Variants in SAMD4A observed in about 807,000 individuals in gnomAD.
The protein encoded by SAMD4A is protein Smaug homolog 1.
Under a neutral mutation model 81.3 loss-of-function variants are expected in SAMD4A, and 33 were observed. The ratio of observed to expected loss-of-function variants is 0.41; its 90% CI spans 0.31 to 0.54. The LOEUF (loss-of-function observed/expected upper bound fraction) is 0.54. SAMD4A is among the 20% of genes least tolerant of loss of function. SAMD4A has a pLI of 0.37. For missense variants in SAMD4A, 854 were observed against 951.1 expected (o/e 0.90, Z 1.34); for synonymous variants, 389 against 382.1 (o/e 1.02, Z -0.21).
At chr14:54,646,711 G>C (rs1263357924) in intron 2 of SAMD4A, among the ~76,000 whole-genome samples, 1 of 152,226 alleles carries the variant, frequency 6.6e-6, no homozygotes, top group Admixed American at 6.5e-5. Context: ...AGTTCACTGG[G>C]AGAATGGGCC....
At chr14:54,685,601 T>C (rs1390676843) in intron 2 of SAMD4A, 3 of 430,190 alleles carry the variant, frequency 7.0e-6, no homozygotes, top group African/African-American at 2.0e-5. Context: ...TTTTTCTTTG[T>C]GGTTTCAGAA....
At chr14:54,770,261 C>A in intron 9 of SAMD4A, 39 bp downstream of exon 9, 1 of 1,385,572 alleles carries the variant, frequency 7.2e-7, no homozygotes, top group Non-Finnish European at 1.0e-6. Context: ...CGTAGTGGTT[C>A]CCCTGGCGCC....
At position 54,664,375 on chromosome 14, in the gene SAMD4A, G is replaced by A. The variant is rs149713722; in HGVS notation, c.197-37687G>A. Among the ~76,000 whole-genome samples the A allele has an allele frequency of 7.4e-3, 1,132 of 152,242 alleles. 5 individuals are homozygous for A. Among genetic ancestry groups the A allele is most frequent in the Non-Finnish European group, 0.012 (828 of 68,010 alleles). ...GATGTCTTTTGTAGGGGCGGCAGCC[G>A]GCTGCGTTGTATAAAGTATACCTGT... is the stretch of plus-strand genomic sequence containing the variant. On this transcript the variant is annotated intron_variant, in intron 2 of 12. Coordinates refer to ENST00000554335, the MANE Select transcript of SAMD4A (RefSeq NM_015589.6).
At chr14:54,741,467 A>C (rs1363876082) in intron 4 of SAMD4A, among the ~76,000 whole-genome samples, 2 of 152,208 alleles carry the variant, frequency 1.3e-5, no homozygotes, top group Non-Finnish European at 2.9e-5. Context: ...ACTCATTCAC[A>C]GGTTACTTTT....
At chr14:54,661,616 C>A (rs1191094243) in intron 2 of SAMD4A, among the ~76,000 whole-genome samples, 1 of 152,164 alleles carries the variant, frequency 6.6e-6, no homozygotes, top group South Asian at 2.1e-4. Context: ...GTCATGGATT[C>A]CTTCTTTGTG....
At chr14:54,587,254 T>C (rs1467298088) in intron 2 of SAMD4A, among the ~76,000 whole-genome samples, 1 of 152,220 alleles carries the variant, frequency 6.6e-6, no homozygotes, top group African/African-American at 2.4e-5. Context: ...ATAGCAGAAC[T>C]ACTGATCTGT....
chr14:54,599,415 A>G (rs1421452204), intron 2 of SAMD4A, among the ~76,000 whole-genome samples: 1 of 152,172 alleles, frequency 6.6e-6, no homozygotes, highest in Non-Finnish European at 1.5e-5. Context: ...TTTTCTTTTT[A>G]AACTCTAGGT....
At chr14:54,733,897 C>A (rs2140914081) in intron 3 of SAMD4A, among the ~76,000 whole-genome samples, 1 of 152,232 alleles carries the variant, frequency 6.6e-6, no homozygotes, top group Admixed American at 6.5e-5. Flanking sequence ...AATGAGATCT[C>A]TTAGTTTAAA....
intron 4 of SAMD4A, among the ~76,000 whole-genome samples, chr14:54,745,914 C>T (rs545678088): frequency 7.2e-5 from 11 of 152,332 alleles, no homozygotes; most frequent in African/African-American, 2.6e-4. Context: ...CCCACAGCTT[C>T]ACAGAATGTA....
At chr14:54,592,220 T>G (rs985164587) in intron 2 of SAMD4A, among the ~76,000 whole-genome samples, 2 of 152,178 alleles carry the variant, frequency 1.3e-5, no homozygotes, top group African/African-American at 4.8e-5. Flanking sequence ...TACATTCTGG[T>G]AGCATTGAGT....
At chr14:54,577,651 G>A (rs1463421751) in intron 2 of SAMD4A, among the ~76,000 whole-genome samples, 1 of 152,202 alleles carries the variant, frequency 6.6e-6, no homozygotes, top group Admixed American at 6.5e-5. Flanking sequence ...ACTAAACTCT[G>A]TAATACAGTC....
chr14:54,732,312 T>C (rs2037577753), intron 3 of SAMD4A, among the ~76,000 whole-genome samples: 1 of 152,182 alleles, frequency 6.6e-6, no homozygotes, highest in Non-Finnish European at 1.5e-5. Flanking sequence ...CCTCTCTATA[T>C]GTAGAAAAGT....
At chr14:54,686,003 C>T in intron 2 of SAMD4A, 2 of 392,284 alleles carry the variant, frequency 5.1e-6, no homozygotes, top group South Asian at 3.8e-5. Flanking sequence ...TACAAAGGTC[C>T]TATGTAGTCT....
intron 2 of SAMD4A, among the ~76,000 whole-genome samples, chr14:54,621,988 A>G (rs1237629152): frequency 1.3e-5 from 2 of 152,196 alleles, no homozygotes; most frequent in South Asian, 2.1e-4. Flanking sequence ...GGACTAGAAT[A>G]ATAAACATTT....
chr14:54,755,286 G>A (rs1453418728), intron 6 of SAMD4A, among the ~76,000 whole-genome samples: 1 of 152,212 alleles, frequency 6.6e-6, no homozygotes, highest in Admixed American at 6.5e-5. Flanking sequence ...TCCATGAGAA[G>A]GGTTGAGTCT....
At chr14:54,771,887 C>A (rs1020710530) in intron 9 of SAMD4A, among the ~76,000 whole-genome samples, 7 of 152,170 alleles carry the variant, frequency 4.6e-5, no homozygotes, top group South Asian at 4.2e-4. Context: ...GGAGGTGGAG[C>A]AGGGGACATG....
intron 2 of SAMD4A, among the ~76,000 whole-genome samples, chr14:54,583,267 C>G (rs1053875234): frequency 1.3e-5 from 2 of 152,164 alleles, no homozygotes; most frequent in African/African-American, 4.8e-5. Context: ...TAAATTTGAA[C>G]TGCGAATGGG....
chr14:54,595,418 T>A lies in SAMD4A; in HGVS notation c.196+27306T>A, dbSNP rs181833516. On this transcript the variant is annotated intron_variant, in intron 2 of 12. Transcript: ENST00000554335. ...ATATATATATGTATACATGTGTTTA[T>A]TTATATATATATTATTATAATATAT... Among the ~76,000 whole-genome samples, 442 of 148,312 alleles carry A rather than the reference T, an allele frequency of 3.0e-3. 1 individual carries two copies. Among genetic ancestry groups the A allele is most frequent in the African/African-American group, 9.8e-3 (400 of 40,928 alleles).
intron 8 of SAMD4A, among the ~76,000 whole-genome samples, chr14:54,766,263 A>G (rs2038540429): frequency 6.6e-6 from 1 of 152,144 alleles, no homozygotes; most frequent in Non-Finnish European, 1.5e-5. Context: ...GCGACAAAGG[A>G]AGAGAAAGCA....
Sources: gnomAD v4.1 joint callset for allele counts (sites outside exome capture counted in the v4.1 genomes callset) on GRCh38, gnomAD v4.1.1 for gene constraint, MANE v1.5 for transcripts, NCBI Gene and HGNC (gene_info 2026-07-23, HGNC 2026-07-21) for gene names.